The following WNK3 variants were observed in gnomAD, a reference collection of about 807,000 sequenced individuals.
WNK3 encodes the protein WNK lysine deficient protein kinase 3.
Under a neutral mutation model 116.7 loss-of-function variants are expected in WNK3, and 18 were observed. The ratio of observed to expected loss-of-function variants is 0.15; its 90% CI spans 0.11 to 0.23. WNK3 has a LOEUF of 0.23. Among genes scored for constraint, WNK3 ranks in the 10% least tolerant of loss-of-function variants. The pLI is 1.00. For missense variants in WNK3, 993 were observed against 1,323.8 expected (o/e 0.75, Z 3.88); for synonymous variants, 404 against 469.4 (o/e 0.86, Z 1.80).
At chrX:54,196,937 A>G (rs1303974447) in exon 24 of WNK3, 1 of 112,070 alleles carries the variant, frequency 8.9e-6, no homozygotes, top group Non-Finnish European at 1.9e-5. Context: ...GATACTAAAA[A>G]GAAATTCTAA....
chrX:54,333,625 G>A, exon 2 of WNK3: 2 of 1,203,769 alleles, frequency 1.7e-6, no homozygotes, highest in Non-Finnish European at 2.2e-6. Flanking sequence ...ATTCCATCAG[G>A]TTTCTCAGAA....
chrX:54,300,086 C>G (rs1235737671), intron 6 of WNK3, among the ~76,000 whole-genome samples: 4 of 111,212 alleles, frequency 3.6e-5, no homozygotes, highest in African/African-American at 6.5e-5. Flanking sequence ...TCTCAAACTC[C>G]TGACCTCAAG....
Position 54,324,195 on chromosome X carries a change from C to T in WNK3, c.537+8942G>A, listed in dbSNP as rs1160934616. Among the ~76,000 whole-genome samples, 4 of 111,820 alleles carry T rather than the reference C, an allele frequency of 3.6e-5. No homozygotes were observed. The East Asian group carries it at 1.1e-3, about 31-fold the overall frequency. On this transcript the variant is annotated intron_variant, in intron 2 of 23. Transcript: ENST00000354646. ...CCTCTGACTATGGCCATTCTGCCTC[C>T]CTCTTATAAGGACCCTTGTGATTAC...
chrX:54,211,008 G>A (rs1452601139), intron 22 of WNK3, among the ~76,000 whole-genome samples: 1 of 112,059 alleles, frequency 8.9e-6, no homozygotes, highest in Non-Finnish European at 1.9e-5. Flanking sequence ...GGGGCATTCT[G>A]AGAAAACAGT....
At chrX:54,291,997 C>T (rs1368344714) in intron 10 of WNK3, among the ~76,000 whole-genome samples, 3 of 111,347 alleles carry the variant, frequency 2.7e-5, no homozygotes, top group South Asian at 3.8e-4. Flanking sequence ...AACCATGCAT[C>T]CAGAATCCAT....
chrX:54,223,988 C>A, intron 22 of WNK3: 1 of 132,396 alleles, frequency 7.6e-6, no homozygotes, highest in Admixed American at 8.2e-5. Context: ...GATCCACTGT[C>A]ACTAGGGAGG....
rs782168319 is a variant in WNK3, at chrX:54,281,268, T to C, written c.2037+11620A>G. Reference sequence around the variant, plus strand: ...GGGAGGCTGAAGTGGGCGGATCACTTGAGGCCAGGAGTTCGAGACCAGTCT... The same window carrying C: ...GGGAGGCTGAAGTGGGCGGATCACTCGAGGCCAGGAGTTCGAGACCAGTCT... On this transcript the variant is annotated intron_variant, in intron 10 of 23. Transcript: ENST00000354646. 4.5e-5 allele frequency among the ~76,000 whole-genome samples: 5 copies of C among 111,177 alleles called. No individual in the cohort carries two copies. The East Asian group carries it at 1.4e-3, about 32-fold the overall frequency.
chrX:54,230,701 C>CA (rs1193628979), intron 21 of WNK3, among the ~76,000 whole-genome samples: 4 of 112,259 alleles, frequency 3.6e-5, no homozygotes, highest in Non-Finnish European at 5.6e-5. Context: ...TATGTTCACC[C>CA]AAAAAGCTGT....
chrX:54,321,127 C>T (rs2069028330), intron 2 of WNK3, among the ~76,000 whole-genome samples: 1 of 110,974 alleles, frequency 9.0e-6, no homozygotes, highest in Non-Finnish European at 1.9e-5. Context: ...GAATGTCTGA[C>T]CTCAGGTGAT....
At chrX:54,268,394 T>C (rs1438579719) in intron 10 of WNK3, among the ~76,000 whole-genome samples, 1 of 110,863 alleles carries the variant, frequency 9.0e-6, no homozygotes, top group Non-Finnish European at 1.9e-5. Context: ...GAGGCTGAGA[T>C]GGGAGGATTA....
At chrX:54,226,131 T>C (rs1481370204) in intron 22 of WNK3, among the ~76,000 whole-genome samples, 2 of 95,169 alleles carry the variant, frequency 2.1e-5, no homozygotes, top group African/African-American at 7.4e-5. Context: ...AGAATCTGGA[T>C]CTTTAACTCA....
At chrX:54,353,906 A>AC (rs1282208096) in intron 1 of WNK3, among the ~76,000 whole-genome samples, 1 of 109,738 alleles carries the variant, frequency 9.1e-6, no homozygotes, top group Non-Finnish European at 1.9e-5. Flanking sequence ...ATATGGTGAA[A>AC]CCCCATCTAT....
At chrX:54,294,967 G>C (rs897685848) in intron 7 of WNK3, 120 bp from the exon 8 acceptor site, 1 of 542,524 alleles carries the variant, frequency 1.8e-6, no homozygotes, top group African/African-American at 2.5e-5. Flanking sequence ...GCATGATCTC[G>C]GCTCACTGCA....
intron 18 of WNK3, 88 bp from the exon 19 acceptor site, chrX:54,238,560 A>T: frequency 1.1e-6 from 1 of 947,918 alleles, no homozygotes. Flanking sequence ...GAAGAAAAGT[A>T]GAAAAAGCTT....
At position 54,333,801 on chromosome X, in the gene WNK3, G is replaced by A. The variant is rs2069200523; in HGVS notation, c.-119-9C>T. Reference sequence around the variant, plus strand: ...TGTATTTCCATAGCAACCTGAAGGGGGGGAAAAAGATATTTTAAAATCACC... The same window carrying A: ...TGTATTTCCATAGCAACCTGAAGGGAGGGAAAAAGATATTTTAAAATCACC... On this transcript the variant is annotated splice_polypyrimidine_tract_variant and intron_variant, in intron 1 of 23. Coordinates refer to ENST00000354646, the Ensembl canonical transcript of WNK3. The A allele has an allele frequency of 4.3e-6, 2 of 460,877 alleles. No homozygotes were observed. Among genetic ancestry groups the A allele is most frequent in the South Asian group, 8.7e-5 (2 of 22,922 alleles). The allele number at this position is 460,877 out of a possible 1,213,427, so 38.0% of individuals were successfully genotyped here. A position where few individuals can be genotyped will look rare whatever the true frequency, so the allele number is the denominator to read the frequency against.
At chrX:54,284,315 C>G (rs1269114612) in intron 10 of WNK3, among the ~76,000 whole-genome samples, 1 of 111,249 alleles carries the variant, frequency 9.0e-6, no homozygotes, top group African/African-American at 3.3e-5. Context: ...TCATAGTCAT[C>G]GGGGAAATAC....
intron 1 of WNK3, among the ~76,000 whole-genome samples, chrX:54,344,976 G>A (rs782653943): frequency 5.7e-5 from 6 of 106,180 alleles, no homozygotes; most frequent in African/African-American, 2.1e-4. Flanking sequence ...GAGGCCGGGC[G>A]CGGTGGCTCC....
chrX:54,319,309 C>T (rs1490744339), intron 2 of WNK3, among the ~76,000 whole-genome samples: 3 of 110,716 alleles, frequency 2.7e-5, no homozygotes, highest in Non-Finnish European at 5.7e-5. Context: ...ACTACAGGCA[C>T]ATGCCACCAC....
intron 2 of WNK3, among the ~76,000 whole-genome samples, chrX:54,332,866 A>G (rs1470412565): frequency 2.0e-5 from 2 of 102,491 alleles, no homozygotes; most frequent in Non-Finnish European, 3.9e-5. Flanking sequence ...TTCCGCCTCA[A>G]AAAAAAAAAA....
Sources: allele counts gnomAD v4.1 joint callset (sites outside exome capture counted in the v4.1 genomes callset), GRCh38; gene constraint gnomAD v4.1.1; transcripts MANE v1.5; gene names NCBI Gene and HGNC (gene_info 2026-07-23, HGNC 2026-07-21).